The following TRPC5OS variants were observed in gnomAD, a reference collection of about 807,000 sequenced individuals.
The protein encoded by TRPC5OS is putative uncharacterized protein TRPC5OS.
For missense variants in TRPC5OS, 64 were observed against 79.3 expected (o/e 0.81, Z 0.73); for synonymous variants, 30 against 29.3 (o/e 1.02, Z -0.08).
chrX:111,887,595 C>A (rs2148604231), intron 1 of TRPC5OS, among the ~76,000 whole-genome samples: 1 of 112,019 alleles, frequency 8.9e-6, no homozygotes, highest in African/African-American at 3.2e-5. Context: ...TTGGGTAGAT[C>A]ATTTTACTAC....
At chrX:111,879,862 C>T (rs935943870) in intron 1 of TRPC5OS, among the ~76,000 whole-genome samples, 7 of 112,117 alleles carry the variant, frequency 6.2e-5, no homozygotes, top group Non-Finnish European at 1.1e-4. Context: ...GCCTGTGGCT[C>T]TTATCCATTG....
chrX:111,902,559 A>C lies in TRPC5OS; in HGVS notation c.*374A>C, dbSNP rs1390614683. The C allele has an allele frequency of 8.4e-6, 1 of 118,451 alleles. No homozygotes were observed. The highest frequency in any genetic ancestry group is 3.2e-5 in the African/African-American group (1 of 31,095). 9.8% of individuals were successfully genotyped at this position (118,451 alleles called of 1,213,427 possible). Reference sequence around the variant, plus strand: ...GACTAATTTCACTGCTCTCCAATGAATGCAAATGAAAAGGGGAATATCCCC... The same window carrying C: ...GACTAATTTCACTGCTCTCCAATGACTGCAAATGAAAAGGGGAATATCCCC... On this transcript the variant is annotated 3_prime_UTR_variant, in exon 4 of 4. Coordinates refer to ENST00000635763, the MANE Select transcript of TRPC5OS (RefSeq NM_001195578.2).
intron 3 of TRPC5OS, among the ~76,000 whole-genome samples, chrX:111,899,856 A>G (rs1925252219): frequency 9.0e-6 from 1 of 111,521 alleles, no homozygotes; most frequent in African/African-American, 3.3e-5. Flanking sequence ...AGATCCTTTG[A>G]ATTAATAAAA....
chrX:111,881,936 G>A (rs1305014976), intron 1 of TRPC5OS: 1 of 110,981 alleles, frequency 9.0e-6, no homozygotes, highest in African/African-American at 3.3e-5. Context: ...CAATTCAGGG[G>A]TTGCTTCCCG....
chrX:111,876,140 C>T (rs969685081), upstream of TRPC5OS: 10 of 110,719 alleles, frequency 9.0e-5, no homozygotes, highest in Admixed American at 1.9e-4. Context: ...ATTATGTAGA[C>T]GGAAGAGGAG....
rs1313671897 is a variant in TRPC5OS, at chrX:111,903,817, T to C, written c.*1632T>C. 1 of 112,044 alleles carries C rather than the reference T, an allele frequency of 8.9e-6. No individual in the cohort carries two copies. The allele number at this position is 112,044 out of a possible 1,213,427, so 9.2% of individuals were successfully genotyped here. On this transcript the variant is annotated 3_prime_UTR_variant, in exon 4 of 4. Coordinates refer to ENST00000635763, the MANE Select transcript of TRPC5OS (RefSeq NM_001195578.2). ...TAGTACAAGTTTTCATCCCTATTTG[T>C]TTGGGTTAAAATATGTGGGGAGTTG...
intron 3 of TRPC5OS, among the ~76,000 whole-genome samples, chrX:111,898,954 A>T (rs994696385): frequency 9.1e-6 from 1 of 110,251 alleles, no homozygotes; most frequent in Non-Finnish European, 1.9e-5. Flanking sequence ...CTAGGCATAA[A>T]CTATCCAAAA....
At chrX:111,888,693 CAAAAAA>C (rs753735549) in intron 1 of TRPC5OS, among the ~76,000 whole-genome samples, 8 of 10,975 alleles carry the variant, frequency 7.3e-4, no homozygotes, top group African/African-American at 1.6e-3. Context: ...GACTCTATCT[CAAAAAA>C]AAAAAAAAAA....
intron 1 of TRPC5OS, among the ~76,000 whole-genome samples, chrX:111,877,905 T>G (rs1924031386): frequency 9.0e-6 from 1 of 111,169 alleles, no homozygotes; most frequent in Non-Finnish European, 1.9e-5. Context: ...AGCGAAATTT[T>G]TAAAAGATGA....
intron 1 of TRPC5OS, 119 bp from the exon 2 acceptor site, chrX:111,895,832 C>G (rs1476380788): frequency 9.0e-6 from 1 of 111,700 alleles, no homozygotes; most frequent in African/African-American, 3.3e-5. Context: ...TTCACTATTA[C>G]TAGCCTTTAT....
At chrX:111,892,352 G>C (rs1292475074) in intron 1 of TRPC5OS, among the ~76,000 whole-genome samples, 3 of 112,126 alleles carry the variant, frequency 2.7e-5, no homozygotes, top group Non-Finnish European at 5.6e-5. Context: ...TTATTATCTT[G>C]TCTCAATGAC....
At chrX:111,899,646 T>C (rs1925242269) in intron 3 of TRPC5OS, among the ~76,000 whole-genome samples, 2 of 111,093 alleles carry the variant, frequency 1.8e-5, no homozygotes, top group Non-Finnish European at 3.8e-5. Flanking sequence ...CTTGTGCCTT[T>C]GGGCTGTATA....
intron 1 of TRPC5OS, among the ~76,000 whole-genome samples, chrX:111,880,972 A>C (rs963283320): frequency 3.6e-5 from 4 of 111,348 alleles, no homozygotes; most frequent in African/African-American, 9.8e-5. Context: ...ACAAATGCTC[A>C]AAGTTCAGCT....
chrX:111,876,175 C>CCTACCATTA (rs1340603615), upstream of TRPC5OS: 1 of 111,017 alleles, frequency 9.0e-6, no homozygotes. Context: ...GATGAAAATT[C>CCTACCATTA]CTACCATTAG....
rs763887840 is a variant in TRPC5OS, at chrX:111,902,057, T to G, written c.208T>G (p.Leu70Val). The G allele has an allele frequency of 3.5e-6, 4 of 1,155,413 alleles. No homozygotes were observed. In the South Asian group the frequency reaches 7.6e-5, roughly 22 times the overall value. The change falls in exon 4 of 4, where the codon TTA becomes GTA. Residue 70 changes from leucine (L) to valine (V), a missense_variant. Transcript: ENST00000635763. ...ACCTGATCTCCCTGATCTCTCAGACTTAGACTCAATACTTACACCAAGAGA... is the reference window on the plus strand; with the variant it reads ...ACCTGATCTCCCTGATCTCTCAGACGTAGACTCAATACTTACACCAAGAGA... ...SLPDLPDLSDLDSILTPREDE... is the reference protein window; with the variant it reads ...SLPDLPDLSDVDSILTPREDE...
rs1460611436 is a variant in TRPC5OS at position 111,903,200 on chromosome X, T to G, written c.*1015T>G. 1 of 111,911 alleles carries G rather than the reference T, an allele frequency of 8.9e-6. No individual in the cohort carries two copies. Among genetic ancestry groups the G allele is most frequent in the East Asian group, 2.8e-4 (1 of 3,589 alleles). The allele number at this position is 111,911 out of a possible 1,213,427, so 9.2% of individuals were successfully genotyped here. ...GTAATTTTATGTGCTTAAGGATTGT[T>G]AAGATATAACCCCCGCTCCAAGGAA... On this transcript the variant is annotated 3_prime_UTR_variant, in exon 4 of 4. Transcript: ENST00000635763.
rs776015828 is a variant in TRPC5OS at position 111,902,182 on chromosome X, C to T, written c.333C>T (p.Asp111=). 7 of 1,100,704 alleles carry T rather than the reference C, an allele frequency of 6.4e-6. No homozygotes were observed. The highest frequency in any genetic ancestry group is 2.2e-5 in the South Asian group (1 of 44,457). 90.7% of individuals were successfully genotyped at this position (1,100,704 alleles called of 1,213,427 possible). A position where few individuals can be genotyped will look rare whatever the true frequency, so the allele number is the denominator to read the frequency against. ...VSGINDDLTG[D] ...GTATAAATGATGACTTAACAGGTGACTAAGACCCAATTTCTGCCCCCGTCC... is the reference window on the plus strand; with the variant it reads ...GTATAAATGATGACTTAACAGGTGATTAAGACCCAATTTCTGCCCCCGTCC... Residue 111 remains aspartate, a synonymous_variant, in exon 4 of 4, where the codon GAC becomes GAT. Transcript: ENST00000635763.
intron 3 of TRPC5OS, among the ~76,000 whole-genome samples, chrX:111,899,172 A>G (rs1925218530): frequency 9.0e-6 from 1 of 111,165 alleles, no homozygotes; most frequent in African/African-American, 3.3e-5. Flanking sequence ...ACAAGGGTCA[A>G]GAAAGTTAAG....
Position 111,900,363 on chromosome X carries a change from T to C in TRPC5OS, c.-310-1177T>C, listed in dbSNP as rs143206783. Among the ~76,000 whole-genome samples, 350 of 111,509 alleles carry C rather than the reference T, an allele frequency of 3.1e-3. 1 individual carries two copies. The highest frequency in any genetic ancestry group is 0.011 in the African/African-American group (324 of 30,735). ...AATTTACAGAATTAATAGCCAGAAA[T>C]TTAACATGTAGATATACCCAAGAAA... is the stretch of plus-strand genomic sequence containing the variant. On this transcript the variant is annotated intron_variant, in intron 3 of 3. Transcript: ENST00000635763.
Sources: gnomAD v4.1 joint callset for allele counts (sites outside exome capture counted in the v4.1 genomes callset) on GRCh38, gnomAD v4.1.1 for gene constraint, MANE v1.5 for transcripts, NCBI Gene and HGNC (gene_info 2026-07-23, HGNC 2026-07-21) for gene names.